COX10: variants seen among roughly 807,000 people sequenced by gnomAD.
COX10 encodes the protein cytochrome c oxidase assembly factor heme A:farnesyltransferase COX10, also known as protoheme IX farnesyltransferase, mitochondrial.
A neutral mutation model predicts 37.3 loss-of-function variants in COX10; 27 were observed. The ratio of observed to expected loss-of-function variants is 0.72; its 90% CI spans 0.53 to 1.00. COX10 has a LOEUF of 1.00. Among genes scored for constraint, COX10 ranks in the 50% least tolerant of loss-of-function variants. The pLI is 0.00. For missense variants in COX10, 475 were observed against 563.2 expected (o/e 0.84, Z 1.59); for synonymous variants, 222 against 229.1 (o/e 0.97, Z 0.28).
chr17:14,159,763 T>C, intron 4 of COX10, 114 bp from the exon 5 acceptor site: 1 of 793,402 alleles, frequency 1.3e-6, no homozygotes. Context: ...GGTATTGATT[T>C]ATGCTATCGA....
At position 14,167,200 on chromosome 17, in the gene COX10, C is replaced by G. The variant is rs575997896; in HGVS notation, c.695+7253C>G. Among the ~76,000 whole-genome samples, 8 of 152,260 alleles carry G rather than the reference C, an allele frequency of 5.3e-5. No homozygotes were observed. In the South Asian group the frequency reaches 1.5e-3, roughly 28 times the overall value. ...ATAGCAAGAGAATGAGAATTAGAAA[C>G]AGACCCTAAAGATGTGACTGGATAG... On this transcript the variant is annotated intron_variant, in intron 5 of 6. Transcript: ENST00000261643.
chr17:14,148,796 T>C (rs1197392351), intron 4 of COX10, among the ~76,000 whole-genome samples: 1 of 151,998 alleles, frequency 6.6e-6, no homozygotes, highest in Non-Finnish European at 1.5e-5. Context: ...CTGTGTCATT[T>C]TGGCTCACAG....
intron 6 of COX10, among the ~76,000 whole-genome samples, chr17:14,205,285 C>T (rs1342464834): frequency 1.3e-5 from 2 of 152,210 alleles, no homozygotes; most frequent in African/African-American, 4.8e-5. Flanking sequence ...GTCCCCTCCA[C>T]CAGCCCTGAC....
chr17:14,163,510 C>T (rs1435801224), intron 5 of COX10, among the ~76,000 whole-genome samples: 1 of 152,120 alleles, frequency 6.6e-6, no homozygotes, highest in African/African-American at 2.4e-5. Flanking sequence ...CCTGGCTTGG[C>T]CTCCCAAAGT....
intron 3 of COX10, among the ~76,000 whole-genome samples, chr17:14,094,765 A>C (rs1343263915): frequency 2.0e-5 from 3 of 152,200 alleles, no homozygotes; most frequent in Non-Finnish European, 4.4e-5. Flanking sequence ...TTCACCTATA[A>C]TTTTATGAAC....
At chr17:14,107,051 T>A (rs1040627542) in intron 4 of COX10, among the ~76,000 whole-genome samples, 5 of 152,122 alleles carry the variant, frequency 3.3e-5, no homozygotes, top group African/African-American at 4.8e-5. Context: ...TGGGCTGTCC[T>A]GTGTGTTGCA....
intron 4 of COX10, among the ~76,000 whole-genome samples, chr17:14,120,844 T>C: frequency 6.6e-6 from 1 of 152,212 alleles, no homozygotes; most frequent in East Asian, 1.9e-4. Context: ...TTGGCTTCTC[T>C]AATCAGTGGC....
Position 14,076,894 on chromosome 17 carries a change from C to G in COX10, c.337C>G (p.Pro113Ala). The G allele has an allele frequency of 6.2e-7, 1 of 1,613,974 alleles. No homozygotes were observed. The highest frequency in any genetic ancestry group is 1.3e-5 in the African/African-American group (1 of 74,950). The change falls in exon 3 of 7, where the codon CCA becomes GCA. Residue 113 changes from proline to alanine, a missense_variant. Physicochemically the swap from Pro to Ala is conservative, Grantham distance 27. Coordinates refer to ENST00000261643, the MANE Select transcript of COX10 (RefSeq NM_001303.4). Reference protein sequence around the residue: ...SPPSLSLSRKPNEKELIELEP... With the variant: ...SPPSLSLSRKANEKELIELEP... ...GCCCAGCCTATCTTTGTCCAGAAAG[C>G]CAAATGAAAAGGAATTGATAGAACT... is the stretch of plus-strand genomic sequence containing the variant.
intron 6 of COX10, among the ~76,000 whole-genome samples, chr17:14,202,501 T>G (rs931346470): frequency 1.3e-5 from 2 of 152,146 alleles, no homozygotes; most frequent in African/African-American, 4.8e-5. Flanking sequence ...AAATTAATCT[T>G]TCTCATCTAT....
intron 5 of COX10, among the ~76,000 whole-genome samples, chr17:14,164,934 A>G (rs915798042): frequency 6.6e-6 from 1 of 152,198 alleles, no homozygotes; most frequent in Non-Finnish European, 1.5e-5. Context: ...TATGGGCTGA[A>G]GGTCAAATGG....
chr17:14,189,661 C>T (rs1244154152), intron 5 of COX10, among the ~76,000 whole-genome samples: 2 of 152,142 alleles, frequency 1.3e-5, no homozygotes, highest in Non-Finnish European at 2.9e-5. Flanking sequence ...TATTTTGGTG[C>T]AAAAAATTTT....
chr17:14,076,563 A>G (rs1052505685), intron 2 of COX10, among the ~76,000 whole-genome samples, 172 bp from the exon 3 acceptor site: 4 of 152,318 alleles, frequency 2.6e-5, no homozygotes, highest in African/African-American at 9.6e-5. Flanking sequence ...ATCTCTTAGT[A>G]TAGTGATTTC....
intron 5 of COX10, among the ~76,000 whole-genome samples, chr17:14,165,495 G>T (rs1369093087): frequency 6.6e-6 from 1 of 152,200 alleles, no homozygotes; most frequent in African/African-American, 2.4e-5. Context: ...ATAAGTGGTT[G>T]TGTGTGTTTT....
chr17:14,102,322 T>C, intron 4 of COX10, 80 bp downstream of exon 4: 1 of 1,530,950 alleles, frequency 6.5e-7, no homozygotes, highest in East Asian at 2.4e-5. Flanking sequence ...TTAAATACCT[T>C]CCAAACTCAT....
chr17:14,152,160 A>T lies in COX10; in HGVS notation c.625-7717A>T, dbSNP rs560476264. 6.6e-5 allele frequency among the ~76,000 whole-genome samples: 10 copies of T among 152,314 alleles called. No individual in the cohort carries two copies. In the East Asian group the frequency reaches 1.9e-3, roughly 29 times the overall value. ...GAATGTCAGAACCACTATGCAGGAT[A>T]TAAGGGCTGTATATTAGTCCGTTTT... On this transcript the variant is annotated intron_variant, in intron 4 of 6. Transcript: ENST00000261643.
At chr17:14,072,839 A>G (rs1366938030) in intron 1 of COX10, among the ~76,000 whole-genome samples, 1 of 152,178 alleles carries the variant, frequency 6.6e-6, no homozygotes, top group East Asian at 1.9e-4. Context: ...TCCTTATTAT[A>G]TAAAAGTGCT....
chr17:14,150,866 G>A (rs1413386179), intron 4 of COX10, among the ~76,000 whole-genome samples: 1 of 152,126 alleles, frequency 6.6e-6, no homozygotes, highest in African/African-American at 2.4e-5. Flanking sequence ...GTTTACTACA[G>A]CATATTACTT....
In COX10 at chr17:14,076,553, A is replaced by G. The variant is rs553181384; in HGVS notation, c.178-182A>G. On this transcript the variant is annotated intron_variant, in intron 2 of 6. Coordinates refer to ENST00000261643, the MANE Select transcript of COX10 (RefSeq NM_001303.4). ...CTGAGGCCTAAATTTTATTCTCCAT[A>G]TCTCTTAGTATAGTGATTTCCATAT... 5.8e-4 allele frequency among the ~76,000 whole-genome samples: 89 copies of G among 152,330 alleles called. 1 individual carries two copies. The highest frequency in any genetic ancestry group is 5.9e-5 in the Non-Finnish European group (4 of 68,034).
chr17:14,135,189 G>A (rs980909715), intron 4 of COX10, among the ~76,000 whole-genome samples: 1 of 151,542 alleles, frequency 6.6e-6, no homozygotes, highest in Non-Finnish European at 1.5e-5. Flanking sequence ...TGCTTCTTAT[G>A]TAGTTTATTT....
Sources: allele counts gnomAD v4.1 joint callset (sites outside exome capture counted in the v4.1 genomes callset), GRCh38; gene constraint gnomAD v4.1.1; transcripts MANE v1.5; gene names NCBI Gene and HGNC (gene_info 2026-07-23, HGNC 2026-07-21).